The following MRTFA variants were observed in gnomAD, a reference collection of about 807,000 sequenced individuals.
The protein encoded by MRTFA is myocardin-related transcription factor A.
MRTFA carries 20 observed loss-of-function variants against 83.5 expected under a neutral mutation model. The observed-to-expected ratio is 0.24, with a 90% confidence interval of 0.17 to 0.35. The LOEUF is 0.35. Ranked by LOEUF, MRTFA falls within the 10% of genes least tolerant of loss-of-function variation. The pLI is 1.00. For synonymous variants in MRTFA, 659 were observed against 541.2 expected, an observed-to-expected ratio of 1.22 and a Z score of -3.02; for missense variants, 1,200 against 1,224.7, an observed-to-expected ratio of 0.98 and a Z score of 0.30.
chr22:40,457,473 A>AGAAG (rs2053612050), intron 4 of MRTFA, among the ~76,000 whole-genome samples: 2 of 143,712 alleles, frequency 1.4e-5, no homozygotes, highest in Admixed American at 6.7e-5. Context: ...AAAGAAAGAA[A>AGAAG]GAAAGAAAGA....
chr22:40,462,210 T>C (rs1374053090), intron 4 of MRTFA, among the ~76,000 whole-genome samples: 1 of 152,230 alleles, frequency 6.6e-6, no homozygotes, highest in Non-Finnish European at 1.5e-5. Context: ...TTCAAGGTGA[T>C]CCCTGCTCTG....
intron 3 of MRTFA, among the ~76,000 whole-genome samples, chr22:40,517,079 C>A (rs376967840): frequency 6.6e-6 from 1 of 152,018 alleles, no homozygotes; most frequent in Non-Finnish European, 1.5e-5. Context: ...TGCACTGCCA[C>A]GCCTGGCTAA....
intron 3 of MRTFA, among the ~76,000 whole-genome samples, chr22:40,503,789 G>T (rs929665873): frequency 1.9e-4 from 29 of 152,140 alleles, no homozygotes; most frequent in African/African-American, 6.5e-4. Context: ...AGGCATGGTG[G>T]CGCATGCCTG....
In MRTFA at chr22:40,411,852, G is replaced by C. The variant is rs758287050; in HGVS notation, c.2634C>G (p.Ser878=). 1 of 1,496,386 alleles carries C rather than the reference G, an allele frequency of 6.7e-7. No homozygotes were observed. The allele number at this position is 1,496,386 out of a possible 1,614,324, so 92.7% of individuals were successfully genotyped here. ...GGGGGGACCCACAGACTGTCTTCGG[G>C]GATGGCTTCTCCTTCCCTGGCAGGG... The change falls in exon 15 of 15, where the codon TCC becomes TCG. Residue 878 remains serine, a synonymous_variant. Transcript: ENST00000355630.
rs760762238 is a variant in MRTFA at position 40,420,997 on chromosome 22, G to C, written c.1031C>G (p.Pro344Arg). Residue 344 changes from proline to arginine, a missense_variant, in exon 10 of 15, where the codon CCG (proline) becomes CGG (arginine). By Grantham distance (103) the Pro-to-Arg change is moderately radical (BLOSUM62 -2). Transcript: ENST00000355630. ...TGCCCCCCTGTCCTGCTTCTGGTCC[G>C]GGGGGATGTACTGGTGGTACTTGAG... 1.2e-6 allele frequency: 2 copies of C among 1,605,748 alleles called. No individual in the cohort carries two copies. The highest frequency in any genetic ancestry group is 2.2e-5 in the East Asian group (1 of 44,714).
At chr22:40,428,083 G>C (rs56150793) in intron 7 of MRTFA, among the ~76,000 whole-genome samples, 18,542 of 152,164 alleles carry the variant, frequency 0.12, 1,322 homozygotes, top group East Asian at 0.24. Context: ...AATAAGCCAG[G>C]AAATGTTAAG....
rs546465190 is a variant in MRTFA at position 40,544,958 on chromosome 22, A to AATATAT, written c.241+7142_241+7147dup. ...AATAAATAAATAAATAAATAAAATA[A>AATATAT]ATATATATATATACACATAAAATAA... On this transcript the variant is annotated intron_variant, in intron 3 of 14. Transcript: ENST00000355630. Among the ~76,000 whole-genome samples, 920 of 149,924 alleles carry AATATAT rather than the reference A, an allele frequency of 6.1e-3. 20 individuals carry two copies. The highest frequency in any genetic ancestry group is 0.05 in the Middle Eastern group (14 of 282).
intron 1 of MRTFA, among the ~76,000 whole-genome samples, chr22:40,599,837 C>T (rs554974171): frequency 3.3e-5 from 5 of 151,002 alleles, no homozygotes; most frequent in East Asian, 3.9e-4. Context: ...AGGTTGAGGC[C>T]GCAGCGAGCT....
At chr22:40,414,749 T>C (rs539753035) in intron 14 of MRTFA, among the ~76,000 whole-genome samples, 1 of 152,228 alleles carries the variant, frequency 6.6e-6, no homozygotes, top group Admixed American at 6.5e-5. Flanking sequence ...ATGGGTACAG[T>C]TTCCTTATGG....
chr22:40,470,266 T>TATATTTATATTATATATATATATATAA (rs1569283480), intron 3 of MRTFA, among the ~76,000 whole-genome samples: 4 of 82,334 alleles, frequency 4.9e-5, no homozygotes, highest in African/African-American at 1.6e-4. Flanking sequence ...TATATATATA[T>TATATTTATATTATATATATATATATAA]ATATATATAT....
intron 3 of MRTFA, among the ~76,000 whole-genome samples, chr22:40,472,379 G>A (rs1024606170): frequency 2.6e-5 from 4 of 152,184 alleles, no homozygotes; most frequent in African/African-American, 4.8e-5. Flanking sequence ...TAAATAGTGC[G>A]AAGCAGGTTT....
intron 3 of MRTFA, among the ~76,000 whole-genome samples, chr22:40,516,276 G>A (rs999989351): frequency 1.3e-5 from 2 of 151,674 alleles, no homozygotes; most frequent in African/African-American, 4.8e-5. Flanking sequence ...AAAATTAGCC[G>A]GCTGTGGTGG....
intron 1 of MRTFA, among the ~76,000 whole-genome samples, chr22:40,603,626 A>T (rs2147399389): frequency 6.6e-6 from 1 of 152,300 alleles, no homozygotes; most frequent in South Asian, 2.1e-4. Flanking sequence ...CCAAGAGTTA[A>T]CTAGTGTTTA....
At chr22:40,484,535 T>C (rs557506758) in intron 3 of MRTFA, among the ~76,000 whole-genome samples, 32 of 152,332 alleles carry the variant, frequency 2.1e-4, no homozygotes, top group Admixed American at 1.0e-3. Flanking sequence ...GAGTTCATGT[T>C]ATAAGTACCG....
At position 40,475,937 on chromosome 22, in the gene MRTFA, G is replaced by T. The variant is rs1483763892; in HGVS notation, c.242-12651C>A. ...AGGCGGGTGGATCACGAGGTCAGGA[G>T]ATTGAGACCATCCTGGCTAATATGG... is the stretch of plus-strand genomic sequence containing the variant. On this transcript the variant is annotated intron_variant, in intron 3 of 14. Transcript: ENST00000355630. Among the ~76,000 whole-genome samples the T allele has an allele frequency of 2.6e-5, 4 of 152,180 alleles. No individual in the cohort carries two copies. The East Asian group carries it at 7.7e-4, about 29-fold the overall frequency.
At chr22:40,615,019 T>C (rs2056432640) in intron 1 of MRTFA, among the ~76,000 whole-genome samples, 1 of 152,166 alleles carries the variant, frequency 6.6e-6, no homozygotes, top group Non-Finnish European at 1.5e-5. Flanking sequence ...ATTTTTACTT[T>C]TATGGTGAGT....
In MRTFA at chr22:40,429,630, A is replaced by C. The variant is rs760468550; in HGVS notation, c.577T>G (p.Ser193Ala). 3.1e-6 allele frequency: 5 copies of C among 1,614,072 alleles called. No homozygotes were observed. In the Admixed American group the frequency reaches 8.3e-5, roughly 27 times the overall value. Residue 193 changes from serine (S) to alanine (A), a missense_variant, in exon 7 of 15, where the codon TCC becomes GCC. This residue lies in a region of MRTFA where 93 missense variants were observed against 182.9 expected (regional missense o/e 0.51). Transcript: ENST00000355630. The stretch of plus-strand genomic sequence containing the variant: ...CCAATGATGGCTTCCTTCAGGCTGG[A>C]CTCAACAGGAAGGATGTTCTTCTCC...
At chr22:40,457,430 A>T (rs1015789045) in intron 4 of MRTFA, among the ~76,000 whole-genome samples, 1 of 104,442 alleles carries the variant, frequency 9.6e-6, no homozygotes, top group East Asian at 3.7e-4. Flanking sequence ...GAATGAAAGA[A>T]AGAAAGAGAA....
chr22:40,549,959 G>T (rs1222820473), intron 3 of MRTFA, among the ~76,000 whole-genome samples: 1 of 150,524 alleles, frequency 6.6e-6, no homozygotes, highest in African/African-American at 2.4e-5. Flanking sequence ...TGAGGCAAGA[G>T]AATTGCTTGA....
Sources: allele counts gnomAD v4.1 joint callset (sites outside exome capture counted in the v4.1 genomes callset), GRCh38; gene constraint gnomAD v4.1.1; regional missense constraint gnomAD v4.1.1; transcripts MANE v1.5; gene names NCBI Gene and HGNC (gene_info 2026-07-23, HGNC 2026-07-21).